PRELID2: variants seen among roughly 807,000 people sequenced by gnomAD.
PRELID2 encodes the protein PRELI domain-containing protein 2.
A neutral mutation model predicts 28.4 loss-of-function variants in PRELID2; 25 were observed. The ratio of observed to expected loss-of-function variants is 0.88; its 90% CI spans 0.64 to 1.23. PRELID2 has a LOEUF of 1.23. PRELID2 is among the 50% of genes most tolerant of loss of function. PRELID2 has a pLI of 0.00. For synonymous variants in PRELID2, 76 were observed against 71.6 expected (o/e 1.06, Z -0.31); for missense variants, 201 against 214.4 (o/e 0.94, Z 0.39).
At chr5:145,310,469 T>C in the PRELID2 span, among the ~76,000 whole-genome samples, 1 of 152,210 alleles carries the variant, frequency 6.6e-6, no homozygotes, top group Non-Finnish European at 1.5e-5. Context: ...CATGTATGAC[T>C]TTTTAAACCT....
intron 5 of PRELID2, among the ~76,000 whole-genome samples, chr5:145,765,331 AT>A (rs1308060069): frequency 6.6e-6 from 1 of 152,214 alleles, no homozygotes; most frequent in Non-Finnish European, 1.5e-5. Context: ...AGTAGTTAAT[AT>A]TCATTGAACA....
chr5:145,742,198 ATAT>A (rs1179146681), intron 1 of PRELID2, among the ~76,000 whole-genome samples: 8 of 40,934 alleles, frequency 2.0e-4, no homozygotes, highest in Non-Finnish European at 3.4e-4. Flanking sequence ...ATAAATAATA[ATAT>A]ATAAATATAC....
intron 2 of PRELID2, among the ~76,000 whole-genome samples, chr5:145,822,675 CCA>C (rs1306493114): frequency 6.6e-6 from 1 of 152,044 alleles, no homozygotes; most frequent in African/African-American, 2.4e-5. Flanking sequence ...TCTCTGTATC[CCA>C]GTTTCTCCAT....
chr5:145,418,529 C>G, the PRELID2 span, among the ~76,000 whole-genome samples: 1 of 151,682 alleles, frequency 6.6e-6, no homozygotes, highest in Admixed American at 6.6e-5. Context: ...GGTATAAGAA[C>G]AGTGGTATAA....
At chr5:145,817,202 A>ATATAT (rs1561643627) in intron 4 of PRELID2, among the ~76,000 whole-genome samples, 28 of 51,356 alleles carry the variant, frequency 5.5e-4, no homozygotes, top group South Asian at 3.4e-3. Flanking sequence ...AAAAAAAATA[A>ATATAT]ATAAATAAAT....
chr5:145,341,123 A>C, the PRELID2 span, among the ~76,000 whole-genome samples: 1 of 152,088 alleles, frequency 6.6e-6, no homozygotes, highest in Non-Finnish European at 1.5e-5. Context: ...TATGAAAAGA[A>C]ATCCAAAAAA....
chr5:145,657,026 A>G (rs1265525976), intron 1 of PRELID2, among the ~76,000 whole-genome samples: 1 of 152,194 alleles, frequency 6.6e-6, no homozygotes, highest in East Asian at 1.9e-4. Context: ...CAGTGCCTGG[A>G]ACATGCTCAT....
rs187732929 is a variant in PRELID2 at position 145,721,154 on chromosome 5, T to G, written n.70+43777A>C. Among the ~76,000 whole-genome samples the G allele has an allele frequency of 2.2e-4, 34 of 152,286 alleles. No individual in the cohort carries two copies. In the East Asian group the frequency reaches 6.2e-3, roughly 28 times the overall value. Reference sequence around the variant, plus strand: ...TTTCATATGTGTTTCACACTTTCATTAGCCATCAGAGCAATGATATCATCA... The same window carrying G: ...TTTCATATGTGTTTCACACTTTCATGAGCCATCAGAGCAATGATATCATCA... On this transcript the variant is annotated intron_variant and non_coding_transcript_variant, in intron 1 of 2. Transcript: ENST00000510259.
At chr5:145,476,570 CG>C (rs1480705431) in intron 1 of PRELID2, among the ~76,000 whole-genome samples, 1 of 151,802 alleles carries the variant, frequency 6.6e-6, no homozygotes, top group Non-Finnish European at 1.5e-5. Flanking sequence ...GCCTGAACCC[CG>C]GAGGTGGAGG....
chr5:145,391,981 C>T, the PRELID2 span, among the ~76,000 whole-genome samples: 1 of 152,232 alleles, frequency 6.6e-6, no homozygotes, highest in South Asian at 2.1e-4. Flanking sequence ...TGGTCATTGC[C>T]ATCCAACAAG....
At chr5:145,676,240 A>AT (rs1408628943) in intron 1 of PRELID2, among the ~76,000 whole-genome samples, 14 of 147,864 alleles carry the variant, frequency 9.5e-5, no homozygotes, top group African/African-American at 2.3e-4. Flanking sequence ...AAAAAAAAAA[A>AT]AATAATGTGT....
the PRELID2 span, among the ~76,000 whole-genome samples, chr5:145,334,426 T>G: frequency 6.6e-6 from 1 of 152,218 alleles, no homozygotes; most frequent in Non-Finnish European, 1.5e-5. Flanking sequence ...TCATGTAATA[T>G]ATTATTGTTG....
chr5:145,315,195 G>T, the PRELID2 span, among the ~76,000 whole-genome samples: 1 of 149,150 alleles, frequency 6.7e-6, no homozygotes, highest in East Asian at 2.0e-4. Context: ...TCAGCCTCCC[G>T]AGTAGCTGGG....
intron 4 of PRELID2, among the ~76,000 whole-genome samples, chr5:145,802,595 G>A (rs1753208605): frequency 6.6e-6 from 1 of 152,114 alleles, no homozygotes; most frequent in Non-Finnish European, 1.5e-5. Flanking sequence ...AGTTCCACTG[G>A]CTCAGGTCAA....
At chr5:145,748,660 T>G (rs538290673) in intron 1 of PRELID2, among the ~76,000 whole-genome samples, 1 of 152,178 alleles carries the variant, frequency 6.6e-6, no homozygotes, top group East Asian at 1.9e-4. Flanking sequence ...AGACCCTGTA[T>G]GGCCAACACA....
At chr5:145,298,553 TC>T in the PRELID2 span, among the ~76,000 whole-genome samples, 1 of 152,124 alleles carries the variant, frequency 6.6e-6, no homozygotes, top group Non-Finnish European at 1.5e-5. Context: ...GGCTTTGTTC[TC>T]ATAGGTGGGA....
the PRELID2 span, among the ~76,000 whole-genome samples, chr5:145,363,554 T>A: frequency 6.6e-6 from 1 of 152,062 alleles, no homozygotes; most frequent in Non-Finnish European, 1.5e-5. Context: ...TTTTAAAATA[T>A]TCCTTAAATG....
the PRELID2 span, among the ~76,000 whole-genome samples, chr5:145,254,953 T>G: frequency 1.2e-4 from 18 of 151,458 alleles, no homozygotes; most frequent in East Asian, 1.9e-3. Context: ...ACAATTAATT[T>G]GATGCTTCTA....
the PRELID2 span, among the ~76,000 whole-genome samples, chr5:145,411,946 C>A: frequency 6.6e-5 from 10 of 152,162 alleles, no homozygotes; most frequent in Non-Finnish European, 1.3e-4. Context: ...CCGAGCTGTA[C>A]CTTGGCCCCT....
Sources: allele counts gnomAD v4.1 joint callset (sites outside exome capture counted in the v4.1 genomes callset), GRCh38; gene constraint gnomAD v4.1.1; transcripts MANE v1.5; gene names NCBI Gene and HGNC (gene_info 2026-07-23, HGNC 2026-07-21).